LRRC1: variants seen among roughly 807,000 people sequenced by gnomAD.
LRRC1 encodes leucine-rich repeat-containing protein 1.
LRRC1 carries 28 observed loss-of-function variants against 69.9 expected under a neutral mutation model. The ratio of observed to expected loss-of-function variants is 0.40; its 90% CI spans 0.30 to 0.55. The LOEUF is 0.55. LRRC1 is among the 20% of genes least tolerant of loss of function. The pLI, the probability that LRRC1 is intolerant of heterozygous loss-of-function variation, is 0.47. For synonymous variants in LRRC1, 236 were observed against 240.2 expected (o/e 0.98, Z 0.16); for missense variants, 498 against 609.0 (o/e 0.82, Z 1.92).
At chr6:53,798,281 C>A (rs935217513) in intron 1 of LRRC1, among the ~76,000 whole-genome samples, 1 of 152,266 alleles carries the variant, frequency 6.6e-6, no homozygotes, top group South Asian at 2.1e-4. Flanking sequence ...CTCCCCCATA[C>A]CCGCAGTTTG....
At chr6:53,903,876 CT>C in intron 9 of LRRC1, among the ~76,000 whole-genome samples, 1 of 152,354 alleles carries the variant, frequency 6.6e-6, no homozygotes, top group Middle Eastern at 3.4e-3. Context: ...GGGTGCCAGC[CT>C]GGTTCTGGTA....
At position 53,813,244 on chromosome 6, in the gene LRRC1, T is replaced by A. The variant is rs537349096; in HGVS notation, c.159+17829T>A. Among the ~76,000 whole-genome samples, 15 of 152,210 alleles carry A rather than the reference T, an allele frequency of 9.9e-5. 2 individuals carry two copies. In the East Asian group the frequency reaches 2.9e-3, roughly 29 times the overall value. On this transcript the variant is annotated intron_variant, in intron 1 of 13. Coordinates refer to ENST00000370888, the MANE Select transcript of LRRC1 (RefSeq NM_018214.5). ...GAAGCAGCTGTGAGTGAGGCCATAT[T>A]ATGGGGTGTGACTCAGGAGTGGACT...
chr6:53,887,417 A>G (rs982840294), intron 4 of LRRC1, among the ~76,000 whole-genome samples: 2 of 152,006 alleles, frequency 1.3e-5, no homozygotes, highest in Admixed American at 6.5e-5. Flanking sequence ...TCTGATAACC[A>G]GTGAGAGCAG....
chr6:53,795,291 G>A lies in LRRC1; in HGVS notation c.35G>A (p.Arg12His), dbSNP rs1169802363. The change falls in exon 1 of 14, where the codon CGT (arginine) becomes CAT (histidine). Residue 12 changes from arginine (R) to histidine (H), a missense_variant. Arg to His is a conservative substitution (Grantham distance 29). Coordinates refer to ENST00000370888, the MANE Select transcript of LRRC1 (RefSeq NM_018214.5). ...TGCATCCCCCTGTGGCGGTGCAACCGTCATGTGGAGAGCATCGACAAGCGC... is the reference window on the plus strand; with the variant it reads ...TGCATCCCCCTGTGGCGGTGCAACCATCATGTGGAGAGCATCGACAAGCGC... Reference protein sequence around the residue: ...FHCIPLWRCNRHVESIDKRHC... With the variant: ...FHCIPLWRCNHHVESIDKRHC... 13 of 1,612,470 alleles carry A rather than the reference G, an allele frequency of 8.1e-6. No homozygotes were observed. The highest frequency in any genetic ancestry group is 1.1e-5 in the Non-Finnish European group (13 of 1,179,822).
chr6:53,910,807 C>T (rs1478415400), intron 10 of LRRC1, among the ~76,000 whole-genome samples: 1 of 152,254 alleles, frequency 6.6e-6, no homozygotes, highest in African/African-American at 2.4e-5. Flanking sequence ...AAAGCATCCG[C>T]TCCCTCCATC....
Position 53,923,157 on chromosome 6 carries a change from T to G in LRRC1, c.*364T>G. 1.2e-5 allele frequency: 2 copies of G among 172,086 alleles called. No individual in the cohort carries two copies. Among genetic ancestry groups the G allele is most frequent in the East Asian group, 1.6e-4 (1 of 6,436 alleles). 10.7% of individuals were successfully genotyped at this position (172,086 alleles called of 1,614,324 possible). A position where few individuals can be genotyped will look rare whatever the true frequency, so the allele number is the denominator to read the frequency against. Reference sequence around the variant, plus strand: ...GCTGGGATATTTTGAATCCCCCAAGTTCCCTTGGACCTACTGATGAGAGAT... The same window carrying G: ...GCTGGGATATTTTGAATCCCCCAAGGTCCCTTGGACCTACTGATGAGAGAT... On this transcript the variant is annotated 3_prime_UTR_variant, in exon 14 of 14. Coordinates refer to ENST00000370888, the MANE Select transcript of LRRC1 (RefSeq NM_018214.5).
chr6:53,842,276 G>C (rs201444320), intron 2 of LRRC1, 49 bp downstream of exon 2: 1 of 1,336,118 alleles, frequency 7.5e-7, no homozygotes, highest in Admixed American at 1.8e-5. Flanking sequence ...CAGATGCTGG[G>C]GGTGTTTTTA....
At chr6:53,919,229 C>CTCTTTTTTTTTTTT (rs1467923075) in intron 11 of LRRC1, 3 of 72,270 alleles carry the variant, frequency 4.2e-5, no homozygotes, top group Non-Finnish European at 7.7e-5. Context: ...TTTTCTCTCT[C>CTCTTTTTTTTTTTT]TTTTTTTTTT....
intron 1 of LRRC1, among the ~76,000 whole-genome samples, chr6:53,837,497 G>A (rs1256136693): frequency 5.3e-5 from 8 of 152,122 alleles, no homozygotes; most frequent in Non-Finnish European, 1.0e-4. Context: ...AATGTCTCTG[G>A]GAAGGAAATC....
chr6:53,861,291 G>A (rs115464666), intron 2 of LRRC1, among the ~76,000 whole-genome samples: 1,973 of 151,850 alleles, frequency 0.013, 14 homozygotes, highest in Admixed American at 0.021. Flanking sequence ...AACAATGCCC[G>A]AGTCCTACCC....
At chr6:53,849,061 CTTT>C (rs569737865) in intron 2 of LRRC1, among the ~76,000 whole-genome samples, 17 of 130,588 alleles carry the variant, frequency 1.3e-4, no homozygotes, top group Non-Finnish European at 6.5e-5. Context: ...CCGGCCTATG[CTTT>C]TTTTTTTTTT....
At chr6:53,883,132 C>T (rs1767356221) in intron 4 of LRRC1, among the ~76,000 whole-genome samples, 156 bp downstream of exon 4, 1 of 152,162 alleles carries the variant, frequency 6.6e-6, no homozygotes, top group Non-Finnish European at 1.5e-5. Context: ...AGCCAGCCTC[C>T]TATGTTTTTG....
chr6:53,924,056 G>C lies in LRRC1; in HGVS notation c.*1263G>C, dbSNP rs113591287. The stretch of plus-strand genomic sequence containing the variant: ...AGAGAAATGAAAAGTGCCAGTCACT[G>C]TGTGGTGTCTAGGAAAATCATATAT... On this transcript the variant is annotated 3_prime_UTR_variant, in exon 14 of 14. Coordinates refer to ENST00000370888, the MANE Select transcript of LRRC1 (RefSeq NM_018214.5). 8 of 152,660 alleles carry C rather than the reference G, an allele frequency of 5.2e-5. No homozygotes were observed. Among genetic ancestry groups the C allele is most frequent in the African/African-American group, 1.7e-4 (7 of 41,458 alleles). The allele number at this position is 152,660 out of a possible 1,614,324, so 9.5% of individuals were successfully genotyped here.
chr6:53,835,965 G>A (rs2127414086), intron 1 of LRRC1, among the ~76,000 whole-genome samples: 1 of 152,180 alleles, frequency 6.6e-6, no homozygotes, highest in Non-Finnish European at 1.5e-5. Context: ...GACTTGCTTT[G>A]ACCAATTTCC....
chr6:53,880,603 A>T (rs1767257142), intron 3 of LRRC1, among the ~76,000 whole-genome samples: 1 of 151,978 alleles, frequency 6.6e-6, no homozygotes, highest in African/African-American at 2.4e-5. Context: ...CACCTTCCTT[A>T]AGTTGCAGTT....
chr6:53,814,647 C>T (rs1256571112), intron 1 of LRRC1, among the ~76,000 whole-genome samples: 1 of 152,198 alleles, frequency 6.6e-6, no homozygotes, highest in African/African-American at 2.4e-5. Flanking sequence ...ACCAGCATAG[C>T]TTTGAAAACC....
At chr6:53,857,000 G>A (rs184047727) in intron 2 of LRRC1, among the ~76,000 whole-genome samples, 136 of 152,326 alleles carry the variant, frequency 8.9e-4, no homozygotes, top group Non-Finnish European at 1.5e-3. Flanking sequence ...AGAGGCTGAA[G>A]AAATGATCAG....
intron 2 of LRRC1, among the ~76,000 whole-genome samples, chr6:53,871,827 C>A (rs1216945912): frequency 6.6e-6 from 1 of 152,106 alleles, no homozygotes; most frequent in African/African-American, 2.4e-5. Context: ...GCCACCATGC[C>A]CAGCTAATTT....
At chr6:53,830,928 G>A (rs1352523746) in intron 1 of LRRC1, among the ~76,000 whole-genome samples, 1 of 74,536 alleles carries the variant, frequency 1.3e-5, no homozygotes, top group Non-Finnish European at 2.8e-5. Flanking sequence ...CATTATTATT[G>A]AATAATAGTT....
Sources: gnomAD v4.1 joint callset for allele counts (sites outside exome capture counted in the v4.1 genomes callset) on GRCh38, gnomAD v4.1.1 for gene constraint, MANE v1.5 for transcripts, NCBI Gene and HGNC (gene_info 2026-07-23, HGNC 2026-07-21) for gene names.